Variants in CUX1 observed in about 807,000 individuals in gnomAD.
CUX1 encodes the protein cut like homeobox 1, also known as protein CASP.
CUX1 carries 31 observed loss-of-function variants against 158.8 expected under a neutral mutation model. That is an observed-to-expected ratio of 0.20 (90% CI 0.15 to 0.26). The LOEUF (loss-of-function observed/expected upper bound fraction) is 0.26. CUX1 is among the 10% of genes least tolerant of loss of function. The pLI is 1.00. For missense variants in CUX1, 1,589 were observed against 2,014.6 expected, an observed-to-expected ratio of 0.79 and a Z score of 4.04; for synonymous variants, 879 against 862.1, an observed-to-expected ratio of 1.02 and a Z score of -0.34.
At chr7:101,888,333 A>G (rs1379339771) in intron 1 of CUX1, among the ~76,000 whole-genome samples, 4 of 152,022 alleles carry the variant, frequency 2.6e-5, no homozygotes, top group African/African-American at 7.2e-5. Flanking sequence ...TCCGTCTCCA[A>G]AAAAAAAGAA....
intron 8 of CUX1, among the ~76,000 whole-genome samples, chr7:102,138,878 A>G (rs1834163740): frequency 6.6e-6 from 1 of 152,170 alleles, no homozygotes; most frequent in Admixed American, 6.6e-5. Context: ...TTACACACAT[A>G]GACAAAGGCA....
chr7:102,204,908 G>A (rs1163632729), intron 19 of CUX1, among the ~76,000 whole-genome samples: 1 of 152,246 alleles, frequency 6.6e-6, no homozygotes, highest in Non-Finnish European at 1.5e-5. Context: ...TACAAAAGTG[G>A]AAGATGTCAC....
chr7:102,148,584 A>G (rs2131469033), intron 8 of CUX1, among the ~76,000 whole-genome samples: 1 of 151,686 alleles, frequency 6.6e-6, no homozygotes, highest in Non-Finnish European at 1.5e-5. Flanking sequence ...AGAAATGCCC[A>G]TCTTTTATTT....
At chr7:102,203,728 G>C (rs1795681601) in intron 18 of CUX1, among the ~76,000 whole-genome samples, 1 of 152,136 alleles carries the variant, frequency 6.6e-6, no homozygotes, top group Non-Finnish European at 1.5e-5. Context: ...TCTGTGTCCT[G>C]TGGGGGGTGT....
At chr7:102,038,931 C>G (rs375627322) in intron 3 of CUX1, among the ~76,000 whole-genome samples, 15 of 152,012 alleles carry the variant, frequency 9.9e-5, no homozygotes, top group Non-Finnish European at 2.1e-4. Context: ...GGAGACAGAG[C>G]CAGACCCTAT....
At chr7:102,132,648 ACCGT>A (rs2131320784) in intron 8 of CUX1, among the ~76,000 whole-genome samples, 1 of 137,964 alleles carries the variant, frequency 7.2e-6, no homozygotes, top group East Asian at 2.1e-4. Flanking sequence ...CACTCTCACT[ACCGT>A]CATTTTAATT....
At chr7:101,969,358 G>GAAAAAAAAA in intron 2 of CUX1, among the ~76,000 whole-genome samples, 1 of 11,140 alleles carries the variant, frequency 9.0e-5, no homozygotes, top group Non-Finnish European at 1.9e-4. Flanking sequence ...ACAAAAAACA[G>GAAAAAAAAA]CAAAAAAAAA....
At chr7:102,189,322 G>A (rs376671761) in intron 11 of CUX1, among the ~76,000 whole-genome samples, 2 of 143,860 alleles carry the variant, frequency 1.4e-5, no homozygotes, top group African/African-American at 5.4e-5. Flanking sequence ...TTCCTCCTCT[G>A]CTTTTCACCT....
In CUX1 at chr7:101,916,357, A is replaced by G; in HGVS notation, c.141+132A>G. The G allele has an allele frequency of 3.2e-6, 2 of 618,738 alleles. No homozygotes were observed. Among genetic ancestry groups the G allele is most frequent in the Non-Finnish European group, 3.0e-6 (1 of 332,066 alleles). 38.3% of individuals were successfully genotyped at this position (618,738 alleles called of 1,614,324 possible). A position where few individuals can be genotyped will look rare whatever the true frequency, so the allele number is the denominator to read the frequency against. On this transcript the variant is annotated intron_variant, in intron 2 of 23. Transcript: ENST00000292535. This position sits in a 1 kb window ranked among gnomAD's most constrained non-coding sequence, Gnocchi z 4.4. ...CGGCAAACAACCCGTTTCTTTCCCCAGATGTCTTCAGCCCCATTTCCAGCA... is the reference window on the plus strand; with the variant it reads ...CGGCAAACAACCCGTTTCTTTCCCCGGATGTCTTCAGCCCCATTTCCAGCA...
At chr7:102,146,369 T>A (rs1268989681) in intron 8 of CUX1, among the ~76,000 whole-genome samples, 1 of 152,174 alleles carries the variant, frequency 6.6e-6, no homozygotes, top group Non-Finnish European at 1.5e-5. Flanking sequence ...CGGCCAGAGC[T>A]GTGCTATTGG....
intron 8 of CUX1, among the ~76,000 whole-genome samples, chr7:102,120,209 C>T (rs1388286462): frequency 3.3e-5 from 5 of 151,828 alleles, no homozygotes; most frequent in African/African-American, 1.2e-4. Flanking sequence ...GGCTAGTGTT[C>T]TGGGCAAAAA....
chr7:101,925,885 A>AC (rs1805527288), intron 2 of CUX1, among the ~76,000 whole-genome samples: 4 of 152,204 alleles, frequency 2.6e-5, no homozygotes, highest in Admixed American at 2.6e-4. Context: ...TCAGTGAGCC[A>AC]TGATTGCACC....
intron 2 of CUX1, among the ~76,000 whole-genome samples, chr7:101,966,378 A>G (rs1315116986): frequency 6.6e-6 from 1 of 150,534 alleles, no homozygotes; most frequent in Non-Finnish European, 1.5e-5. Context: ...AAATGACTTG[A>G]TATCTGAGAT....
In CUX1 at chr7:102,078,162, C is replaced by T. The variant is rs782066502; in HGVS notation, c.268+7745C>T. On this transcript the variant is annotated intron_variant, in intron 4 of 23. Coordinates refer to ENST00000292535, the MANE Select transcript of CUX1 (RefSeq NM_181552.4). The stretch of plus-strand genomic sequence containing the variant: ...CTGGTACCATCATAGCTCATTTAAC[C>T]GCCTCCTGGCTCAAGTGATCCCCCT... Among the ~76,000 whole-genome samples the T allele has an allele frequency of 5.9e-5, 9 of 152,146 alleles. 2 individuals are homozygous for T. Among genetic ancestry groups the T allele is most frequent in the African/African-American group, 1.7e-4 (7 of 41,514 alleles).
chr7:102,068,652 C>T (rs1046989888), intron 3 of CUX1, among the ~76,000 whole-genome samples: 1 of 152,192 alleles, frequency 6.6e-6, no homozygotes, highest in Admixed American at 6.5e-5. Context: ...TAACAAACTG[C>T]CCGGTGGCTC....
chr7:102,214,221 C>G (rs1554523937), intron 20 of CUX1, among the ~76,000 whole-genome samples: 1 of 151,946 alleles, frequency 6.6e-6, no homozygotes, highest in East Asian at 1.9e-4. Flanking sequence ...GGTGATTTGC[C>G]CCAATCAAGA....
chr7:102,023,492 C>T (rs1172886912), intron 2 of CUX1, among the ~76,000 whole-genome samples: 1 of 152,156 alleles, frequency 6.6e-6, no homozygotes, highest in Non-Finnish European at 1.5e-5. Context: ...TTTTTTGAGA[C>T]AGAGTCTCTC....
chr7:102,164,769 CAGGGCCTT>C (rs1184533717), intron 9 of CUX1, among the ~76,000 whole-genome samples: 72 of 152,308 alleles, frequency 4.7e-4, no homozygotes, highest in African/African-American at 1.7e-3. Context: ...GGTAGGGCAG[CAGGGCCTT>C]AGCCCATCAT....
intron 14 of CUX1, among the ~76,000 whole-genome samples, chr7:102,270,234 C>T (rs1487210675): frequency 6.6e-6 from 1 of 152,254 alleles, no homozygotes; most frequent in African/African-American, 2.4e-5. Flanking sequence ...CAGCCTCCAG[C>T]AGAGAAGGCA....
Sources: gnomAD v4.1 joint callset for allele counts (sites outside exome capture counted in the v4.1 genomes callset) on GRCh38, gnomAD v4.1.1 for gene constraint, Gnocchi (gnomAD v3.1) non-coding constraint, MANE v1.5 for transcripts, NCBI Gene and HGNC (gene_info 2026-07-23, HGNC 2026-07-21) for gene names.